The following PSIP1 variants were observed in gnomAD, a reference collection of about 807,000 sequenced individuals.
PSIP1 encodes the protein PC4 and SFRS1-interacting protein.
Under a neutral mutation model 74.7 loss-of-function variants are expected in PSIP1, and 19 were observed. The observed-to-expected ratio is 0.25, with a 90% CI of 0.18 to 0.37. The LOEUF is 0.37. Ranked by LOEUF, PSIP1 falls within the 10% of genes least tolerant of loss-of-function variation. The pLI is 1.00. For missense variants in PSIP1, 601 were observed against 614.3 expected (o/e 0.98, Z 0.23); for synonymous variants, 222 against 195.3 (o/e 1.14, Z -1.14).
intron 3 of PSIP1, among the ~76,000 whole-genome samples, chr9:15,501,508 G>C (rs2037342210): frequency 6.6e-6 from 1 of 152,004 alleles, no homozygotes; most frequent in Admixed American, 6.6e-5. Context: ...TCCCCGCAAA[G>C]GGAAAACAAA....
At chr9:15,479,895 A>T (rs2737831) in intron 6 of PSIP1, among the ~76,000 whole-genome samples, 125,216 of 152,094 alleles carry the variant, frequency 0.82, 52,723 homozygotes, top group Non-Finnish European at 0.92. Flanking sequence ...TAAAAAAAAC[A>T]AAAAATTTCT....
intron 7 of PSIP1, among the ~76,000 whole-genome samples, chr9:15,479,089 C>CA (rs1280057769): frequency 6.6e-6 from 1 of 152,006 alleles, no homozygotes; most frequent in Non-Finnish European, 1.5e-5. Context: ...AAAATTCACT[C>CA]AATTTTGGTT....
rs150072093 is a variant in PSIP1, at chr9:15,490,153, G to A, written c.150-29C>T. The A allele has an allele frequency of 5.1e-4, 786 of 1,542,176 alleles. 2 individuals carry two copies. In the African/African-American group the frequency reaches 8.5e-3, roughly 17 times the overall value. ...AAAAAGAAGTGGGGAAGATGTGAGT[G>A]CAAAGCAAGCTCAAATACATAATTT... is the stretch of plus-strand genomic sequence containing the variant. On this transcript the variant is annotated intron_variant, in intron 3 of 15. Transcript: ENST00000380733.
Position 15,506,587 on chromosome 9 carries a change from G to A in PSIP1, c.123C>T (p.Pro41=), listed in dbSNP as rs779267116. The A allele has an allele frequency of 1.2e-6, 2 of 1,612,470 alleles. No homozygotes were observed. The highest frequency in any genetic ancestry group is 1.7e-6 in the Non-Finnish European group (2 of 1,178,834). The change falls in exon 3 of 16, where the codon CCC becomes CCT. Residue 41 remains proline (P), a synonymous_variant. Transcript: ENST00000380733. The stretch of plus-strand genomic sequence containing the variant: ...TCTCATGAGTTCCAAAAAAGAAAAT[G>A]GGTAGTTTGTTTGTGGGTGGCTTTA... ...GAVKPPTNKL[P]IFFFGTHETA...
chr9:15,473,445 G>A lies in PSIP1; in HGVS notation c.858+564C>T, dbSNP rs149983045. Among the ~76,000 whole-genome samples the A allele has an allele frequency of 4.9e-3, 744 of 152,224 alleles. 8 individuals are homozygous for A. Among genetic ancestry groups the A allele is most frequent in the African/African-American group, 0.017 (706 of 41,538 alleles). ...TTTACTTAATTTCCAGATCATAATT[G>A]TAAAATAGATGAATTTAGAGAACAG... On this transcript the variant is annotated intron_variant, in intron 9 of 15. Transcript: ENST00000380733.
At chr9:15,473,939 A>C in intron 9 of PSIP1, 70 bp downstream of exon 9, 2 of 1,098,868 alleles carry the variant, frequency 1.8e-6, no homozygotes, top group East Asian at 3.0e-5. Flanking sequence ...AAAAAAAAAC[A>C]AAGAAAAAAC....
Position 15,479,580 on chromosome 9 carries a change from A to C in PSIP1, c.553+11T>G, listed in dbSNP as rs755782790. 4.5e-6 allele frequency: 7 copies of C among 1,571,812 alleles called. No homozygotes were observed. The Admixed American group carries it at 8.9e-5, about 20-fold the overall frequency. On this transcript the variant is annotated intron_variant, in intron 7 of 15. Transcript: ENST00000380733. ...CAAGCCAAACAGATATTTAAACATCAGTAATCCTACCTGCAGGTCGTCCTC... is the reference window on the plus strand; with the variant it reads ...CAAGCCAAACAGATATTTAAACATCCGTAATCCTACCTGCAGGTCGTCCTC...
chr9:15,509,918 AC>A (rs2037775117), intron 2 of PSIP1, among the ~76,000 whole-genome samples, 198 bp downstream of exon 2: 1 of 152,248 alleles, frequency 6.6e-6, no homozygotes, highest in African/African-American at 2.4e-5. Flanking sequence ...AGGGAAATAC[AC>A]AGGTATGTAG....
chr9:15,491,144 C>T (rs554539529), intron 3 of PSIP1, among the ~76,000 whole-genome samples: 1 of 152,186 alleles, frequency 6.6e-6, no homozygotes, highest in African/African-American at 2.4e-5. Context: ...CTCATTAACA[C>T]TGAACTCATA....
Position 15,486,017 on chromosome 9 carries a change from T to TC in PSIP1, c.444dup (p.Arg149GlufsTer12). 6.2e-7 allele frequency: 1 copy of TC among 1,608,242 alleles called. No homozygotes were observed. Among genetic ancestry groups the TC allele is most frequent in the Non-Finnish European group, 8.5e-7 (1 of 1,175,604 alleles). On this transcript the variant is annotated frameshift_variant, in exon 6 of 16. Transcript: ENST00000380733. LOFTEE classifies it high-confidence loss of function. ...GTCAGTGAAATTACCTTTCTCTTTC[T>TC]CCCCCTTCTGGCAGCTTTTGGAGTA...
At chr9:15,501,447 G>A (rs1004530049) in intron 3 of PSIP1, among the ~76,000 whole-genome samples, 1 of 152,018 alleles carries the variant, frequency 6.6e-6, no homozygotes, top group Non-Finnish European at 1.5e-5. Flanking sequence ...ACACGAGGAG[G>A]AGGATGTGAG....
At chr9:15,502,627 A>C (rs1466498400) in intron 3 of PSIP1, among the ~76,000 whole-genome samples, 3 of 152,214 alleles carry the variant, frequency 2.0e-5, no homozygotes. Context: ...TACAAAGATG[A>C]CCAAGAGCGG....
rs541928471 is a variant in PSIP1 at position 15,497,161 on chromosome 9, T to C, written c.150-7037A>G. 2.0e-5 allele frequency among the ~76,000 whole-genome samples: 3 copies of C among 152,168 alleles called. No homozygotes were observed. The South Asian group carries it at 6.2e-4, about 32-fold the overall frequency. ...AAAGTAAAAATAACTCAAATGTCTA[T>C]CAAGTGATGAATAAATATGGTAAAT... On this transcript the variant is annotated intron_variant, in intron 3 of 15. Transcript: ENST00000380733.
chr9:15,501,265 A>G (rs1220186817), intron 3 of PSIP1, among the ~76,000 whole-genome samples: 3 of 152,134 alleles, frequency 2.0e-5, no homozygotes, highest in Non-Finnish European at 4.4e-5. Context: ...TATCTAGTGC[A>G]CAAAGCTTTC....
At chr9:15,492,449 C>A (rs1235467534) in intron 3 of PSIP1, among the ~76,000 whole-genome samples, 1 of 152,196 alleles carries the variant, frequency 6.6e-6, no homozygotes, top group African/African-American at 2.4e-5. Flanking sequence ...GCTCCCACAG[C>A]CTTAAAAAGC....
Position 15,510,169 on chromosome 9 carries a change from G to T in PSIP1, c.20C>A (p.Pro7His). The T allele has an allele frequency of 1.9e-6, 3 of 1,606,768 alleles. No homozygotes were observed. Among genetic ancestry groups the T allele is most frequent in the Non-Finnish European group, 2.5e-6 (3 of 1,176,860 alleles). The change falls in exon 2 of 16, where the codon CCT (proline) becomes CAT (histidine). Residue 7 changes from proline to histidine, a missense_variant. By Grantham distance (77) the Pro-to-His change is moderately conservative. Around this residue, in one of 2 missense-constraint regions of PSIP1, gnomAD observed 63 missense variants for 106.7 expected, o/e 0.59. Transcript: ENST00000380733. MTRDFK[P>H]GDLIFAKMKG... ...CATCTTGGCGAAGATGAGGTCTCCA[G>T]GTTTGAAATCGCGAGTCATGTTTCG...
chr9:15,486,988 T>C (rs952274594), intron 4 of PSIP1, 57 bp from the exon 5 acceptor site: 6 of 1,105,220 alleles, frequency 5.4e-6, no homozygotes, highest in Non-Finnish European at 7.7e-6. Flanking sequence ...CAATAATATA[T>C]ACAATTCTTT....
At chr9:15,473,839 T>G (rs2035947194) in intron 9 of PSIP1, among the ~76,000 whole-genome samples, 170 bp downstream of exon 9, 1 of 147,360 alleles carries the variant, frequency 6.8e-6, no homozygotes, top group Admixed American at 7.0e-5. Flanking sequence ...AGGCAGAGGT[T>G]GCAGTGAACC....
chr9:15,465,403 A>T lies in PSIP1; in HGVS notation c.*117T>A, dbSNP rs1263626336. On this transcript the variant is annotated 3_prime_UTR_variant, in exon 16 of 16. Transcript: ENST00000380733. ...TAAAACAAAGGGATTTTCTCCCTCA[A>T]AACAAGTTTTCAACATCAAACCTAT... The T allele has an allele frequency of 3.3e-6, 3 of 902,306 alleles. No individual in the cohort carries two copies. The highest frequency in any genetic ancestry group is 5.1e-6 in the Non-Finnish European group (3 of 582,718). 55.9% of individuals were successfully genotyped at this position (902,306 alleles called of 1,614,324 possible).
Sources: allele counts gnomAD v4.1 joint callset (sites outside exome capture counted in the v4.1 genomes callset), GRCh38; gene constraint gnomAD v4.1.1; regional missense constraint gnomAD v4.1.1; transcripts MANE v1.5; gene names NCBI Gene and HGNC (gene_info 2026-07-23, HGNC 2026-07-21).